Variants in ZDHHC14 observed in about 807,000 individuals in gnomAD.
The protein encoded by ZDHHC14 is zDHHC palmitoyltransferase 14, also known as palmitoyltransferase ZDHHC14.
In ZDHHC14, 16 loss-of-function variants were observed where a neutral mutation model predicts 47.7. The ratio of observed to expected loss-of-function variants is 0.34; its 90% CI spans 0.23 to 0.51. The LOEUF (loss-of-function observed/expected upper bound fraction) is 0.51, where lower values mean the gene tolerates loss of function less well. Ranked by LOEUF, ZDHHC14 falls within the 20% of genes least tolerant of loss-of-function variation. ZDHHC14 has a pLI of 0.97. For synonymous variants in ZDHHC14, 293 were observed against 278.9 expected, an observed-to-expected ratio of 1.05 and a Z score of -0.50; for missense variants, 515 against 662.5, an observed-to-expected ratio of 0.78 and a Z score of 2.44.
intron 2 of ZDHHC14, among the ~76,000 whole-genome samples, chr6:157,548,607 C>T (rs547340366): frequency 3.3e-5 from 5 of 152,144 alleles, no homozygotes; most frequent in Non-Finnish European, 7.4e-5. Flanking sequence ...CCACTATTCC[C>T]GGCTAATTTT....
intron 1 of ZDHHC14, among the ~76,000 whole-genome samples, chr6:157,395,810 T>A (rs1033186716): frequency 2.2e-4 from 32 of 148,332 alleles, no homozygotes; most frequent in African/African-American, 8.1e-4. Context: ...AAAAAAAAAA[T>A]CCCAAGTTTC....
chr6:157,615,251 T>A (rs1465992317), intron 3 of ZDHHC14, among the ~76,000 whole-genome samples: 1 of 152,188 alleles, frequency 6.6e-6, no homozygotes, highest in African/African-American at 2.4e-5. Context: ...CAGCTTTATG[T>A]GAACAACAAG....
chr6:157,529,450 C>T (rs1223381776), intron 1 of ZDHHC14, among the ~76,000 whole-genome samples: 2 of 152,268 alleles, frequency 1.3e-5, no homozygotes, highest in East Asian at 1.9e-4. Flanking sequence ...GACAGGGCCC[C>T]TGGGAATCTG....
chr6:157,535,170 T>C (rs1052459097), intron 1 of ZDHHC14, among the ~76,000 whole-genome samples: 4 of 152,188 alleles, frequency 2.6e-5, no homozygotes, highest in Non-Finnish European at 5.9e-5. Context: ...GCACTCTCCT[T>C]GTCTCCCCTC....
At chr6:157,666,402 T>A (rs769193466) in intron 8 of ZDHHC14, among the ~76,000 whole-genome samples, 1 of 152,062 alleles carries the variant, frequency 6.6e-6, no homozygotes, top group Non-Finnish European at 1.5e-5. Flanking sequence ...ATCTGAAAAA[T>A]CAAATGTAGT....
intron 2 of ZDHHC14, among the ~76,000 whole-genome samples, chr6:157,575,354 T>C (rs965144566): frequency 7.2e-5 from 11 of 151,976 alleles, no homozygotes; most frequent in Admixed American, 3.3e-4. Context: ...CTGAGCCAAG[T>C]TGACACATAA....
chr6:157,660,614 G>A (rs796288591), intron 8 of ZDHHC14, among the ~76,000 whole-genome samples: 4 of 152,172 alleles, frequency 2.6e-5, no homozygotes, highest in East Asian at 3.9e-4. Flanking sequence ...ACAATCTGTC[G>A]CTCCTCAGCC....
rs34988240 is a variant in ZDHHC14, at chr6:157,511,547, C to CTTTTTTTTTTTTTTTTTTTTTTTTT, written c.246-31020_246-31019insTTTTTTTTTTTTTTTTTTTTTTTTT. Among the ~76,000 whole-genome samples, 43 of 114,850 alleles carry CTTTTTTTTTTTTTTTTTTTTTTTTT rather than the reference C, an allele frequency of 3.7e-4. 2 individuals are homozygous for CTTTTTTTTTTTTTTTTTTTTTTTTT. The highest frequency in any genetic ancestry group is 1.3e-3 in the Admixed American group (13 of 10,072). The allele number at this position is 114,850 out of a possible 152,430, so 75.3% of individuals were successfully genotyped here. The stretch of plus-strand genomic sequence containing the variant: ...AGGCATGCGCCACGAAGCCCGGGTA[C>CTTTTTTTTTTTTTTTTTTTTTTTTT]TTTTTTTTTTTTTTTTTTGTATTTT... On this transcript the variant is annotated intron_variant, in intron 1 of 8. Coordinates refer to ENST00000359775, the MANE Select transcript of ZDHHC14 (RefSeq NM_024630.3).
intron 1 of ZDHHC14, among the ~76,000 whole-genome samples, chr6:157,486,774 A>C (rs1229279990): frequency 1.3e-5 from 2 of 152,198 alleles, no homozygotes; most frequent in African/African-American, 2.4e-5. Context: ...CAGAGAAGGA[A>C]GGCAGGGCAG....
intron 2 of ZDHHC14, among the ~76,000 whole-genome samples, chr6:157,553,179 G>A (rs1406519995): frequency 6.6e-6 from 1 of 152,172 alleles, no homozygotes; most frequent in Admixed American, 6.5e-5. Flanking sequence ...CAGATTCCAG[G>A]CGAAGGCAGG....
intron 3 of ZDHHC14, among the ~76,000 whole-genome samples, chr6:157,607,746 G>A (rs533716986): frequency 3.3e-5 from 5 of 152,030 alleles, no homozygotes; most frequent in African/African-American, 7.3e-5. Flanking sequence ...TTATGCTACC[G>A]AGAAATATTG....
At chr6:157,615,624 CCAGG>C (rs1278833344) in intron 3 of ZDHHC14, among the ~76,000 whole-genome samples, 1 of 152,224 alleles carries the variant, frequency 6.6e-6, no homozygotes, top group Non-Finnish European at 1.5e-5. Flanking sequence ...AGGCAAAAGG[CCAGG>C]ACCCAAGTTC....
Position 157,597,562 on chromosome 6 carries a change from G to A in ZDHHC14, c.565+4416G>A, listed in dbSNP as rs145547457. ...AACACTGCCAGCATTTTTGCAAACC[G>A]GTTATACAAGAGTCTGCCTAACTCT... On this transcript the variant is annotated intron_variant, in intron 3 of 8. Transcript: ENST00000359775. 2.6e-5 allele frequency among the ~76,000 whole-genome samples: 4 copies of A among 152,380 alleles called. No individual in the cohort carries two copies. The East Asian group carries it at 7.7e-4, about 29-fold the overall frequency.
rs61996312 is a variant in ZDHHC14, at chr6:157,645,839, C to A, written c.855C>A (p.Asp285Glu). 1 of 1,613,534 alleles carries A rather than the reference C, an allele frequency of 6.2e-7. No individual in the cohort carries two copies. Among genetic ancestry groups the A allele is most frequent in the East Asian group, 2.2e-5 (1 of 44,878 alleles). ...GCTCCAACCAGACAACAAATGAGGA[C>A]GTAAGTTCCTGACCACACGGGACAC... Reference protein sequence around the residue: ...LISSNQTTNEDIKGSWSNKRG... With the variant: ...LISSNQTTNEEIKGSWSNKRG... Residue 285 changes from aspartate to glutamate, a missense_variant and splice_region_variant, in exon 6 of 9, where the codon GAC (aspartate) becomes GAA (glutamate). Transcript: ENST00000359775.
At chr6:157,562,645 A>G (rs9505850) in intron 2 of ZDHHC14, among the ~76,000 whole-genome samples, 7,750 of 152,322 alleles carry the variant, frequency 0.051, 230 homozygotes, top group Admixed American at 0.069. Flanking sequence ...ATTCGCAGGC[A>G]GGTTCCAGGC....
chr6:157,654,324 T>G (rs1428440685), intron 8 of ZDHHC14, among the ~76,000 whole-genome samples: 1 of 152,152 alleles, frequency 6.6e-6, no homozygotes, highest in African/African-American at 2.4e-5. Context: ...GTCCTGACCA[T>G]CAGTGTCTTA....
intron 1 of ZDHHC14, among the ~76,000 whole-genome samples, chr6:157,464,057 T>A (rs1313977138): frequency 6.6e-6 from 1 of 152,066 alleles, no homozygotes; most frequent in African/African-American, 2.4e-5. Context: ...AAATTAACAC[T>A]AATGATGAAA....
At position 157,492,859 on chromosome 6, in the gene ZDHHC14, A is replaced by G. The variant is rs1278652275; in HGVS notation, c.246-49726A>G. Among the ~76,000 whole-genome samples, 4 of 152,186 alleles carry G rather than the reference A, an allele frequency of 2.6e-5. No individual in the cohort carries two copies. In the East Asian group the frequency reaches 7.7e-4, roughly 29 times the overall value. On this transcript the variant is annotated intron_variant, in intron 1 of 8. Transcript: ENST00000359775. Reference sequence around the variant, plus strand: ...AGGGGTGCTTTGCATAAGACATTCCAGGCAAGGCGCGCCCTGGGAGCACAG... The same window carrying G: ...AGGGGTGCTTTGCATAAGACATTCCGGGCAAGGCGCGCCCTGGGAGCACAG...
intron 5 of ZDHHC14, among the ~76,000 whole-genome samples, chr6:157,641,996 C>T (rs907805417): frequency 1.2e-4 from 18 of 151,234 alleles, no homozygotes; most frequent in Non-Finnish European, 2.1e-4. Context: ...TATTAAGGAC[C>T]GCCAAAGAGC....
Sources: allele counts gnomAD v4.1 joint callset (sites outside exome capture counted in the v4.1 genomes callset), GRCh38; gene constraint gnomAD v4.1.1; transcripts MANE v1.5; gene names NCBI Gene and HGNC (gene_info 2026-07-23, HGNC 2026-07-21).